Variants in SCLY observed in about 807,000 individuals in gnomAD.
The protein encoded by SCLY is selenocysteine lyase, also known as putative selenocysteine lyase.
In SCLY, 38 loss-of-function variants were observed where a neutral mutation model predicts 50.1. The observed-to-expected ratio is 0.76, with a 90% confidence interval of 0.59 to 0.99. SCLY has a LOEUF of 0.99. SCLY is among the 50% of genes least tolerant of loss of function. The pLI, the probability that SCLY is intolerant of heterozygous loss-of-function variation, is 0.00. For missense variants in SCLY, 600 were observed against 620.0 expected (o/e 0.97, Z 0.34); for synonymous variants, 243 against 249.4 (o/e 0.97, Z 0.24).
At chr2:238,086,792 G>A (rs928504701) in intron 7 of SCLY, among the ~76,000 whole-genome samples, 1 of 151,266 alleles carries the variant, frequency 6.6e-6, no homozygotes, top group Admixed American at 6.6e-5. Context: ...GGCCAAGGCC[G>A]GTGGATCACC....
At chr2:238,096,543 T>G (rs1476248315) in intron 10 of SCLY, among the ~76,000 whole-genome samples, 1 of 152,222 alleles carries the variant, frequency 6.6e-6, no homozygotes, top group African/African-American at 2.4e-5. Context: ...AGCAGGCAGT[T>G]GATTACAAAT....
chr2:238,097,094 C>T (rs1039933702), intron 11 of SCLY, among the ~76,000 whole-genome samples: 2 of 151,030 alleles, frequency 1.3e-5, no homozygotes, highest in Admixed American at 1.3e-4. Flanking sequence ...GAGGGCTTCT[C>T]GTGCTCAGTT....
chr2:238,086,032 G>A (rs574541222), intron 7 of SCLY, among the ~76,000 whole-genome samples: 1 of 152,298 alleles, frequency 6.6e-6, no homozygotes, highest in East Asian at 1.9e-4. Context: ...CACTTCACCA[G>A]TATGGGAAAA....
intron 8 of SCLY, chr2:238,091,540 G>C: frequency 1.0e-4 from 37 of 357,942 alleles, no homozygotes; most frequent in South Asian, 3.9e-4. Flanking sequence ...GTGTCAAGCT[G>C]CAGGTTCACC....
intron 3 of SCLY, 69 bp downstream of exon 3, chr2:238,068,234 C>A (rs1301453019): frequency 6.1e-6 from 7 of 1,145,504 alleles, no homozygotes; most frequent in Non-Finnish European, 8.7e-6. Context: ...AAAGTGATTT[C>A]CTTTTGCTAC....
intron 8 of SCLY, chr2:238,093,338 G>C (rs80332305): frequency 0.052 from 8,290 of 159,280 alleles, 231 homozygotes; most frequent in Middle Eastern, 0.081. Context: ...CCCCGTGGCC[G>C]GGCCTGCAGG....
chr2:238,087,848 G>A (rs1052764969), intron 7 of SCLY, among the ~76,000 whole-genome samples: 6 of 152,168 alleles, frequency 3.9e-5, no homozygotes, highest in African/African-American at 7.2e-5. Context: ...CCAGCACTTT[G>A]GGAGGCTGAG....
At chr2:238,061,803 G>A (rs1392769170) in intron 1 of SCLY, among the ~76,000 whole-genome samples, 1 of 152,214 alleles carries the variant, frequency 6.6e-6, no homozygotes, top group African/African-American at 2.4e-5. Context: ...CCGCTGAGAA[G>A]CGCGGAGACC....
At chr2:238,091,519 G>T in intron 8 of SCLY, 3 of 449,468 alleles carry the variant, frequency 6.7e-6, no homozygotes, top group Non-Finnish European at 8.1e-6. Context: ...TACTGTTACA[G>T]CAGAGGTGAA....
rs1200065267 is a variant in SCLY at position 238,083,317 on chromosome 2, C to T, written c.847C>T (p.Leu283=). The T allele has an allele frequency of 1.2e-6, 2 of 1,613,854 alleles. No homozygotes were observed. The highest frequency in any genetic ancestry group is 1.7e-6 in the Non-Finnish European group (2 of 1,179,730). The part of the protein sequence containing the change: ...LGEFTPLYPM[L]FGGGQERNFR... Reference sequence around the variant, plus strand: ...TGAATTTACCCCTCTCTACCCTATGCTATTTGGAGGTGGACAAGAACGGAA... The same window carrying T: ...TGAATTTACCCCTCTCTACCCTATGTTATTTGGAGGTGGACAAGAACGGAA... Residue 283 remains leucine, a synonymous_variant, in exon 7 of 12, where the codon CTA becomes TTA. Coordinates refer to ENST00000254663, the MANE Select transcript of SCLY (RefSeq NM_016510.7). The surrounding 1 kb of genome is among the most constrained non-coding windows in gnomAD (Gnocchi z 4.3).
intron 1 of SCLY, among the ~76,000 whole-genome samples, chr2:238,062,600 T>G (rs918686157): frequency 2.6e-5 from 4 of 152,174 alleles, no homozygotes; most frequent in African/African-American, 9.7e-5. Context: ...TTAGTAGAGA[T>G]GGGGTTTCGC....
At chr2:238,085,786 T>C (rs2065290282) in intron 7 of SCLY, among the ~76,000 whole-genome samples, 1 of 152,068 alleles carries the variant, frequency 6.6e-6, no homozygotes, top group South Asian at 2.1e-4. Context: ...TAACAAATGA[T>C]ATAACATTCG....
Position 238,083,217 on chromosome 2 carries a change from T to G in SCLY, c.778-31T>G. The G allele has an allele frequency of 6.7e-7, 1 of 1,482,110 alleles. No homozygotes were observed. The highest frequency in any genetic ancestry group is 9.4e-7 in the Non-Finnish European group (1 of 1,060,160). 91.8% of individuals were successfully genotyped at this position (1,482,110 alleles called of 1,614,324 possible). A position where few individuals can be genotyped will look rare whatever the true frequency, so the allele number is the denominator to read the frequency against. ...ACAGAGTAGGTCCTTGGAAAGTTCT[T>G]GTTGAATAAATGACCAACTTTTCCT... On this transcript the variant is annotated intron_variant, in intron 6 of 11. Coordinates refer to ENST00000254663, the MANE Select transcript of SCLY (RefSeq NM_016510.7). The surrounding 1 kb of genome is among the most constrained non-coding windows in gnomAD (Gnocchi z 4.3).
chr2:238,098,268 C>T lies in SCLY; in HGVS notation c.1251C>T (p.Ser417=), dbSNP rs777239331. Residue 417 remains serine, a synonymous_variant, in exon 12 of 12, where the codon AGC becomes AGT. Coordinates refer to ENST00000254663, the MANE Select transcript of SCLY (RefSeq NM_016510.7). ...FDVARNALRL[S]VGRSTTRAEV... ...TGGCCAGGAACGCGCTCCGGCTCAG[C>T]GTGGGCCGCAGCACCACCAGGGCCG... is the stretch of plus-strand genomic sequence containing the variant. The T allele has an allele frequency of 4.2e-5, 68 of 1,610,194 alleles. No individual in the cohort carries two copies. Among genetic ancestry groups the T allele is most frequent in the African/African-American group, 9.4e-5 (7 of 74,818 alleles).
At chr2:238,077,863 A>C (rs2106443417) in intron 4 of SCLY, among the ~76,000 whole-genome samples, 1 of 152,296 alleles carries the variant, frequency 6.6e-6, no homozygotes, top group Middle Eastern at 3.4e-3. Context: ...GATGTGAATA[A>C]TAGGAAAAGG....
At position 238,084,904 on chromosome 2, in the gene SCLY, A is replaced by AAAAAG. The variant is rs1553566400; in HGVS notation, c.884+1554_884+1555insGAAAA. Among the ~76,000 whole-genome samples, 444 of 135,022 alleles carry AAAAAG rather than the reference A, an allele frequency of 3.3e-3. 6 individuals are homozygous for AAAAAG. The highest frequency in any genetic ancestry group is 0.012 in the African/African-American group (417 of 35,568). The allele number at this position is 135,022 out of a possible 152,430, so 88.6% of individuals were successfully genotyped here. On this transcript the variant is annotated intron_variant, in intron 7 of 11. Transcript: ENST00000254663. ...GAGAGACTCCATCTCAAAAAAAAAA[A>AAAAAG]AAAAAAAGAAACCTAGACTTCTACT...
At position 238,069,568 on chromosome 2, in the gene SCLY, G is replaced by A. The variant is rs1453187360; in HGVS notation, c.484+91G>A. The A allele has an allele frequency of 1.7e-6, 2 of 1,179,348 alleles. No individual in the cohort carries two copies. The highest frequency in any genetic ancestry group is 3.1e-5 in the African/African-American group (2 of 64,380). The allele number at this position is 1,179,348 out of a possible 1,614,324, so 73.1% of individuals were successfully genotyped here. On this transcript the variant is annotated intron_variant, in intron 4 of 11. Transcript: ENST00000254663. This position sits in a 1 kb window ranked among gnomAD's most constrained non-coding sequence, Gnocchi z 5.0. Reference sequence around the variant, plus strand: ...CTGCGAGCAGAGCCCGGGATCCGCTGCAGAGATGTAGATTCAGTGTGCCAC... The same window carrying A: ...CTGCGAGCAGAGCCCGGGATCCGCTACAGAGATGTAGATTCAGTGTGCCAC...
At chr2:238,091,560 G>GTTA in intron 8 of SCLY, 1 of 313,480 alleles carries the variant, frequency 3.2e-6, no homozygotes, top group Admixed American at 4.7e-5. Flanking sequence ...CATTCCCAAA[G>GTTA]GCGTCGGCAG....
At chr2:238,097,003 C>A in intron 11 of SCLY, 127 bp downstream of exon 11, 1 of 910,624 alleles carries the variant, frequency 1.1e-6, no homozygotes, top group Non-Finnish European at 1.6e-6. Context: ...TGTCTGGGCC[C>A]TAGGAGGGGC....
Sources: gnomAD v4.1 joint callset for allele counts (sites outside exome capture counted in the v4.1 genomes callset) on GRCh38, gnomAD v4.1.1 for gene constraint, Gnocchi (gnomAD v3.1) non-coding constraint, MANE v1.5 for transcripts, NCBI Gene and HGNC (gene_info 2026-07-23, HGNC 2026-07-21) for gene names.